Variants in SLIT3 observed in about 807,000 individuals in gnomAD.
SLIT3 encodes the protein slit homolog 3 protein.
Under a neutral mutation model 184.0 loss-of-function variants are expected in SLIT3, and 68 were observed. That is an observed-to-expected ratio of 0.37 (90% CI 0.30 to 0.45). The LOEUF (loss-of-function observed/expected upper bound fraction) is 0.45, where lower values mean the gene tolerates loss of function less well. Ranked by LOEUF, SLIT3 falls within the 20% of genes least tolerant of loss-of-function variation. The pLI is 1.00. For missense variants in SLIT3, 1,707 were observed against 2,026.0 expected, an observed-to-expected ratio of 0.84 and a Z score of 3.02; for synonymous variants, 831 against 828.6, an observed-to-expected ratio of 1.00 and a Z score of -0.05.
intron 4 of SLIT3, among the ~76,000 whole-genome samples, chr5:168,920,957 C>T (rs933702703): frequency 1.3e-5 from 2 of 152,170 alleles, no homozygotes; most frequent in African/African-American, 4.8e-5. Context: ...CTGCTTGCAG[C>T]CTTACTATCA....
At chr5:169,223,483 T>C (rs569459125) in intron 3 of SLIT3, among the ~76,000 whole-genome samples, 4 of 152,204 alleles carry the variant, frequency 2.6e-5, no homozygotes, top group Admixed American at 6.5e-5. Flanking sequence ...ACAAAAGTGA[T>C]AGAGACGTGC....
chr5:168,925,664 T>TA (rs79576362), intron 4 of SLIT3, among the ~76,000 whole-genome samples: 2,915 of 137,484 alleles, frequency 0.021, 89 homozygotes, highest in Admixed American at 0.097. Flanking sequence ...TCTGCCCTGT[T>TA]AAAAAAAAAA....
rs750100349 is a variant in SLIT3 at position 168,817,380 on chromosome 5, T to C, written c.713A>G (p.Gln238Arg). 1.9e-6 allele frequency: 3 copies of C among 1,614,212 alleles called. No homozygotes were observed. The highest frequency in any genetic ancestry group is 2.2e-5 in the East Asian group (1 of 44,882). Residue 238 changes from glutamine (Q) to arginine (R), a missense_variant, in exon 8 of 36, where the codon CAG becomes CGG. Around this residue, in one of 3 missense-constraint regions of SLIT3, gnomAD observed 1,307 missense variants for 1,511.6 expected, o/e 0.86. Coordinates refer to ENST00000519560, the MANE Select transcript of SLIT3 (RefSeq NM_003062.4). ...DWLRQRRTVG[Q>R]FTLCMAPVHL... ...CACAGGAGCCATGCAGAGTGTGAACTGGCCAACTGTCCGTCGCTGTCGCAG... is the reference window on the plus strand; with the variant it reads ...CACAGGAGCCATGCAGAGTGTGAACCGGCCAACTGTCCGTCGCTGTCGCAG...
intron 16 of SLIT3, among the ~76,000 whole-genome samples, chr5:168,757,043 G>T (rs115987049): frequency 6.6e-6 from 1 of 152,328 alleles, no homozygotes; most frequent in African/African-American, 2.4e-5. Context: ...AGCACTGCTC[G>T]CAACTACAGG....
intron 5 of SLIT3, among the ~76,000 whole-genome samples, chr5:168,874,277 C>A (rs916764833): frequency 1.2e-4 from 19 of 152,196 alleles, no homozygotes; most frequent in African/African-American, 4.6e-4. Context: ...CTTCTCTGGG[C>A]TCCTTCTTGT....
Position 168,666,676 on chromosome 5 carries a change from C to T in SLIT3, c.4350G>A (p.Leu1450=). The part of the protein sequence containing the change: ...GEHCQQENPC[L]GQVVREVIRR... ...GGATCACCTCTCGGACTACTTGTCC[C>T]AGGCACGGATTCTCTGCAGAGGGCA... The change falls in exon 36 of 36, where the codon CTG becomes CTA. Residue 1450 remains leucine, a synonymous_variant. Transcript: ENST00000519560. The T allele has an allele frequency of 6.2e-7, 1 of 1,614,154 alleles. No individual in the cohort carries two copies.
chr5:168,883,288 G>A lies in SLIT3; in HGVS notation c.462C>T (p.Arg154=), dbSNP rs372146302. The change falls in exon 5 of 36, where the codon CGC becomes CGT. Residue 154 remains arginine, a synonymous_variant. Coordinates refer to ENST00000519560, the MANE Select transcript of SLIT3 (RefSeq NM_003062.4). ...QIQGIPRKAF[R]GITDVKNLQL... ...ACAGGTTCTTCACATCGGTGATGCC[G>A]CGGAACGCCTTCCTCGGGATCCCCT... 32 of 1,614,058 alleles carry A rather than the reference G, an allele frequency of 2.0e-5. No homozygotes were observed. The African/African-American group carries it at 2.3e-4, about 11-fold the overall frequency.
chr5:168,960,195 A>G (rs140691213), intron 4 of SLIT3, among the ~76,000 whole-genome samples: 10 of 152,302 alleles, frequency 6.6e-5, no homozygotes, highest in East Asian at 1.9e-4. Flanking sequence ...CTCTGTACCT[A>G]TGGTACCTGG....
intron 18 of SLIT3, among the ~76,000 whole-genome samples, chr5:168,751,206 C>A (rs1050247835): frequency 6.6e-5 from 10 of 152,126 alleles, no homozygotes. Context: ...GTGGGGCCGG[C>A]CTTTAGGCCC....
At chr5:168,692,342 AAG>A (rs1016860919) in intron 29 of SLIT3, among the ~76,000 whole-genome samples, 1 of 152,150 alleles carries the variant, frequency 6.6e-6, no homozygotes, top group Non-Finnish European at 1.5e-5. Flanking sequence ...AGGGAAGAGA[AAG>A]AGTGGATCTT....
chr5:169,235,303 A>G (rs1765156460), intron 3 of SLIT3, among the ~76,000 whole-genome samples: 1 of 152,182 alleles, frequency 6.6e-6, no homozygotes, highest in Non-Finnish European at 1.5e-5. Context: ...ATCCATCTAG[A>G]TTAAAATATA....
At chr5:169,181,406 A>G (rs1377515991) in intron 4 of SLIT3, among the ~76,000 whole-genome samples, 1 of 152,128 alleles carries the variant, frequency 6.6e-6, no homozygotes, top group African/African-American at 2.4e-5. Flanking sequence ...ATGATTTTTC[A>G]TTTCTCTCTA....
chr5:169,069,821 C>T (rs1327760515), intron 4 of SLIT3, among the ~76,000 whole-genome samples: 8 of 152,156 alleles, frequency 5.3e-5, no homozygotes, highest in Non-Finnish European at 1.0e-4. Context: ...ACCATGAGAA[C>T]AGAGAAGCAG....
At chr5:169,079,005 G>A (rs1486034158) in intron 4 of SLIT3, among the ~76,000 whole-genome samples, 1 of 152,150 alleles carries the variant, frequency 6.6e-6, no homozygotes, top group African/African-American at 2.4e-5. Context: ...GAATTCTGGA[G>A]GAGATTGGAA....
At chr5:168,710,842 A>T (rs1024260473) in intron 25 of SLIT3, 53 bp downstream of exon 25, 8 of 1,394,328 alleles carry the variant, frequency 5.7e-6, no homozygotes, top group Admixed American at 2.8e-5. Flanking sequence ...GTTGCTGGGA[A>T]CACAGCAGAC....
chr5:168,692,364 C>G (rs1445520993), intron 29 of SLIT3, among the ~76,000 whole-genome samples: 1 of 152,142 alleles, frequency 6.6e-6, no homozygotes, highest in Non-Finnish European at 1.5e-5. Context: ...TTCTCTCTCT[C>G]TGTCTCTTTC....
In SLIT3 at chr5:168,967,596, C is replaced by A. The variant is rs1441357646; in HGVS notation, c.414-84260G>T. On this transcript the variant is annotated intron_variant, in intron 4 of 35. Coordinates refer to ENST00000519560, the MANE Select transcript of SLIT3 (RefSeq NM_003062.4). ...CTGGGACTACAGGCGCCCGCCACTA[C>A]GCCCGGCTAATCTTTTTGTATTTTT... Among the ~76,000 whole-genome samples the A allele has an allele frequency of 1.4e-5, 2 of 144,116 alleles. 1 individual carries two copies. 94.5% of individuals were successfully genotyped at this position (144,116 alleles called of 152,430 possible).
intron 4 of SLIT3, among the ~76,000 whole-genome samples, chr5:169,173,314 T>C (rs1298337660): frequency 6.6e-6 from 1 of 152,150 alleles, no homozygotes; most frequent in Non-Finnish European, 1.5e-5. Flanking sequence ...AGAGGATGGT[T>C]CCAGGTATGA....
At chr5:169,188,428 C>T (rs942492559) in intron 4 of SLIT3, among the ~76,000 whole-genome samples, 7 of 152,152 alleles carry the variant, frequency 4.6e-5, no homozygotes, top group African/African-American at 1.4e-4. Flanking sequence ...AATTAATAGC[C>T]CATAGGCCAT....
Sources: gnomAD v4.1 joint callset for allele counts (sites outside exome capture counted in the v4.1 genomes callset) on GRCh38, gnomAD v4.1.1 for gene constraint, gnomAD v4.1.1 regional missense constraint, MANE v1.5 for transcripts, NCBI Gene and HGNC (gene_info 2026-07-23, HGNC 2026-07-21) for gene names.